Variants in CAMTA1 observed in about 807,000 individuals in gnomAD.
CAMTA1 encodes the protein calmodulin-binding transcription activator 1.
Under a neutral mutation model 170.9 loss-of-function variants are expected in CAMTA1, and 27 were observed. The observed-to-expected ratio is 0.16, with a 90% CI of 0.12 to 0.22. The LOEUF (loss-of-function observed/expected upper bound fraction) is 0.22, where lower values mean the gene tolerates loss of function less well. CAMTA1 is among the 10% of genes least tolerant of loss of function. CAMTA1 has a pLI of 1.00. For synonymous variants in CAMTA1, 833 were observed against 891.5 expected (o/e 0.93, Z 1.17); for missense variants, 1,619 against 2,217.2 (o/e 0.73, Z 5.42).
chr1:6,988,927 A>G (rs1356183829), intron 3 of CAMTA1, among the ~76,000 whole-genome samples: 2 of 152,194 alleles, frequency 1.3e-5, no homozygotes, highest in African/African-American at 4.8e-5. Context: ...GTCTAGACTG[A>G]GCCAATCCGA....
At position 7,037,727 on chromosome 1, in the gene CAMTA1, A is replaced by G. The variant is rs1348500864; in HGVS notation, c.235-53577A>G. On this transcript the variant is annotated intron_variant, in intron 3 of 22. Coordinates refer to ENST00000303635, the MANE Select transcript of CAMTA1 (RefSeq NM_015215.4). ...GTGGCAGGTGCCTGTAATCCTAGCT[A>G]CTCAGGAGGCTGAGGCAGTAGAATG... Among the ~76,000 whole-genome samples, 7 of 151,656 alleles carry G rather than the reference A, an allele frequency of 4.6e-5. 1 individual carries two copies. The highest frequency in any genetic ancestry group is 1.3e-4 in the Admixed American group (2 of 15,216).
At position 7,751,372 on chromosome 1, in the gene CAMTA1, G is replaced by A; in HGVS notation, c.4863G>A (p.Val1621=). 6.2e-7 allele frequency: 1 copy of A among 1,601,730 alleles called. No individual in the cohort carries two copies. The highest frequency in any genetic ancestry group is 8.5e-7 in the Non-Finnish European group (1 of 1,176,018). Residue 1621 remains valine (V), a synonymous_variant, in exon 20 of 23, where the codon GTG becomes GTA. Coordinates refer to ENST00000303635, the MANE Select transcript of CAMTA1 (RefSeq NM_015215.4). ...GACGGCAGGCTCGCCGGACGGCTGT[G>A]ATTGTACAACAGAAACTCAGGTGGG... is the stretch of plus-strand genomic sequence containing the variant. ...GKRRQARRTA[V]IVQQKLRSSL...
At chr1:7,097,774 A>G (rs1259362713) in intron 4 of CAMTA1, among the ~76,000 whole-genome samples, 1 of 152,230 alleles carries the variant, frequency 6.6e-6, no homozygotes, top group Non-Finnish European at 1.5e-5. Flanking sequence ...ACATTGTGTG[A>G]TGTGCTGACT....
chr1:6,906,712 C>G (rs1678573640), intron 3 of CAMTA1, among the ~76,000 whole-genome samples: 1 of 152,142 alleles, frequency 6.6e-6, no homozygotes, highest in South Asian at 2.1e-4. Context: ...GGCTGTTGTT[C>G]GAATATATTT....
intron 6 of CAMTA1, among the ~76,000 whole-genome samples, chr1:7,621,907 C>A (rs958310835): frequency 6.6e-6 from 1 of 152,208 alleles, no homozygotes; most frequent in Non-Finnish European, 1.5e-5. Flanking sequence ...CCTGGCGCCT[C>A]TAGAGAGAAC....
intron 4 of CAMTA1, among the ~76,000 whole-genome samples, chr1:7,221,361 C>G (rs139652874): frequency 5.6e-4 from 85 of 152,152 alleles, no homozygotes; most frequent in African/African-American, 1.7e-3. Context: ...GTGTGAGACT[C>G]GGAGAGTTGG....
At chr1:6,853,421 T>G (rs72638520) in intron 3 of CAMTA1, among the ~76,000 whole-genome samples, 8,756 of 152,124 alleles carry the variant, frequency 0.058, 396 homozygotes, top group East Asian at 0.24. Flanking sequence ...AGTAGTAAAA[T>G]ATATGTAATT....
intron 3 of CAMTA1, among the ~76,000 whole-genome samples, chr1:6,929,051 T>C (rs1683880586): frequency 6.6e-6 from 1 of 152,264 alleles, no homozygotes; most frequent in Non-Finnish European, 1.5e-5. Context: ...GGCCAATGAC[T>C]TTTAATTCTG....
rs576182614 is a variant in CAMTA1 at position 6,918,782 on chromosome 1, C to T, written c.234+93572C>T. On this transcript the variant is annotated intron_variant, in intron 3 of 22. Coordinates refer to ENST00000303635, the MANE Select transcript of CAMTA1 (RefSeq NM_015215.4). The surrounding 1 kb of genome is among the most constrained non-coding windows in gnomAD (Gnocchi z 4.0). ...CACTCAAGTTCAGTCATGCCCACCG[C>T]GTTCCCCCAGCCTGTCACCCTGTGG... Among the ~76,000 whole-genome samples, 4 of 152,298 alleles carry T rather than the reference C, an allele frequency of 2.6e-5. No individual in the cohort carries two copies. The highest frequency in any genetic ancestry group is 4.1e-4 in the South Asian group (2 of 4,826).
At chr1:6,920,871 C>G (rs1681854760) in intron 3 of CAMTA1, among the ~76,000 whole-genome samples, 1 of 152,206 alleles carries the variant, frequency 6.6e-6, no homozygotes, top group African/African-American at 2.4e-5. Context: ...GCACGGGAAC[C>G]CTGGGCCCAG....
In CAMTA1 at chr1:7,618,461, G is replaced by A. The variant is rs1048792317; in HGVS notation, c.511-21939G>A. Reference sequence around the variant, plus strand: ...TCAACTCTGCACCTTTGGAAAAGACGTCAGCTTTCTCCCTGGCTTGGGGCC... The same window carrying A: ...TCAACTCTGCACCTTTGGAAAAGACATCAGCTTTCTCCCTGGCTTGGGGCC... On this transcript the variant is annotated intron_variant, in intron 6 of 22. Transcript: ENST00000303635. Among the ~76,000 whole-genome samples, 5 of 152,146 alleles carry A rather than the reference G, an allele frequency of 3.3e-5. 1 individual carries two copies. Among genetic ancestry groups the A allele is most frequent in the South Asian group, 4.1e-4 (2 of 4,830 alleles).
chr1:7,343,910 C>T (rs947023563), intron 5 of CAMTA1, among the ~76,000 whole-genome samples: 6 of 152,204 alleles, frequency 3.9e-5, no homozygotes, highest in Non-Finnish European at 5.9e-5. Flanking sequence ...AATATTCCCC[C>T]GTGGGTCTCT....
In CAMTA1 at chr1:7,396,063, T is replaced by C. The variant is rs143989558; in HGVS notation, c.439-71767T>C. Among the ~76,000 whole-genome samples, 467 of 152,340 alleles carry C rather than the reference T, an allele frequency of 3.1e-3. 2 individuals are homozygous for C. The highest frequency in any genetic ancestry group is 4.8e-3 in the Non-Finnish European group (327 of 68,036). On this transcript the variant is annotated intron_variant, in intron 5 of 22. Transcript: ENST00000303635. ...CCCCTCCAAAGCTCATATTGAAATT[T>C]GATATCCACTGTTGGAGATGGGACC...
Position 7,737,316 on chromosome 1 carries a change from G to A in CAMTA1, c.3404G>A (p.Arg1135Gln), listed in dbSNP as rs751794618. The A allele has an allele frequency of 6.8e-6, 11 of 1,614,036 alleles. 1 individual carries two copies. Among genetic ancestry groups the A allele is most frequent in the South Asian group, 5.5e-5 (5 of 91,086 alleles). ...GTCGTGCTGTACAAGTGGGACCGTC[G>A]GGCCATCTCGATTCCCGACTCTCTA... ...AAVVLYKWDR[R>Q]AISIPDSLGR... Residue 1135 changes from arginine to glutamine, a missense_variant, in exon 15 of 23, where the codon CGG (arginine) becomes CAG (glutamine). By Grantham distance (43) the Arg-to-Gln change is conservative (BLOSUM62 1). Around this residue, in one of 8 missense-constraint regions of CAMTA1, gnomAD observed 60 missense variants for 128.5 expected, o/e 0.47. Coordinates refer to ENST00000303635, the MANE Select transcript of CAMTA1 (RefSeq NM_015215.4).
intron 4 of CAMTA1, among the ~76,000 whole-genome samples, chr1:7,203,721 C>T (rs142694739): frequency 0.013 from 1,938 of 151,100 alleles, 21 homozygotes; most frequent in Non-Finnish European, 0.019. Flanking sequence ...TCATTTTTGC[C>T]TCTAGTTATT....
chr1:7,200,527 G>A (rs1656468086), intron 4 of CAMTA1, among the ~76,000 whole-genome samples: 1 of 152,202 alleles, frequency 6.6e-6, no homozygotes, highest in South Asian at 2.1e-4. Flanking sequence ...TCTTAATCTG[G>A]AAGAGTTCTG....
intron 6 of CAMTA1, among the ~76,000 whole-genome samples, chr1:7,616,733 G>A (rs1270827688): frequency 2.0e-5 from 3 of 151,990 alleles, no homozygotes; most frequent in Admixed American, 2.0e-4. Context: ...GTGACAGGGA[G>A]GAGAGACGGG....
chr1:7,525,075 C>G (rs529252835), intron 6 of CAMTA1, among the ~76,000 whole-genome samples: 1 of 152,200 alleles, frequency 6.6e-6, no homozygotes, highest in Non-Finnish European at 1.5e-5. Flanking sequence ...CACCCGCCCC[C>G]GCGTCGGCCC....
At chr1:6,959,678 A>G (rs1690051067) in intron 3 of CAMTA1, among the ~76,000 whole-genome samples, 1 of 152,222 alleles carries the variant, frequency 6.6e-6, no homozygotes. Flanking sequence ...CAAGCGTGGC[A>G]TGCATTATCT....
Sources: gnomAD v4.1 joint callset for allele counts (sites outside exome capture counted in the v4.1 genomes callset) on GRCh38, gnomAD v4.1.1 for gene constraint, gnomAD v4.1.1 regional missense constraint, Gnocchi (gnomAD v3.1) non-coding constraint, MANE v1.5 for transcripts, NCBI Gene and HGNC (gene_info 2026-07-23, HGNC 2026-07-21) for gene names.